Variants in ABHD17B observed in about 807,000 individuals in gnomAD.
ABHD17B encodes alpha/beta hydrolase domain-containing protein 17B.
Under a neutral mutation model 26.2 loss-of-function variants are expected in ABHD17B, and 9 were observed. The observed-to-expected ratio is 0.34, with a 90% confidence interval of 0.21 to 0.60. ABHD17B has a LOEUF of 0.60. Ranked by LOEUF, ABHD17B falls within the 20% of genes least tolerant of loss-of-function variation. ABHD17B has a pLI of 0.80. For missense variants in ABHD17B, 224 were observed against 352.1 expected (o/e 0.64, Z 2.91); for synonymous variants, 127 against 122.3 (o/e 1.04, Z -0.25).
At position 71,911,120 on chromosome 9, in the gene ABHD17B, T is replaced by A. The variant is rs1248357522; in HGVS notation, c.-490A>T. Among the ~76,000 whole-genome samples the A allele has an allele frequency of 6.6e-6, 1 of 152,018 alleles. No homozygotes were observed. Among genetic ancestry groups the A allele is most frequent in the Non-Finnish European group, 1.5e-5 (1 of 67,978 alleles). On this transcript the variant is annotated 5_prime_UTR_variant, in exon 1 of 4. Coordinates refer to ENST00000333421, the MANE Select transcript of ABHD17B (RefSeq NM_001025780.3). ...CTGCCAAGCGCGAGGCTCGTTCCGG[T>A]AGCGGGAGGAAGACTGGAGGGGAAC...
intron 1 of ABHD17B, among the ~76,000 whole-genome samples, chr9:71,878,303 A>AT (rs1292580646): frequency 6.6e-6 from 1 of 152,182 alleles, no homozygotes; most frequent in Non-Finnish European, 1.5e-5. Context: ...CAAATATGGA[A>AT]TTTTTTTGTG....
rs1564077971 is a variant in ABHD17B at position 71,910,809 on chromosome 9, G to A, written c.-179C>T. ...CCAGGGCTACAGCCCCCGGCGCCGG[G>A]GCGAAGAAGGACGGCGGCGCCCCAG... On this transcript the variant is annotated 5_prime_UTR_variant, in exon 1 of 4. Transcript: ENST00000333421. 1 of 151,822 alleles carries A rather than the reference G, an allele frequency of 6.6e-6. No individual in the cohort carries two copies. Among genetic ancestry groups the A allele is most frequent in the Non-Finnish European group, 1.5e-5 (1 of 67,904 alleles). 9.4% of individuals were successfully genotyped at this position (151,822 alleles called of 1,614,324 possible).
rs1825959402 is a variant in ABHD17B at position 71,866,505 on chromosome 9, T to C, written c.*282A>G. On this transcript the variant is annotated 3_prime_UTR_variant, in exon 4 of 4. Transcript: ENST00000333421. Reference sequence around the variant, plus strand: ...GCATTTGGCAATACTTTTACAGCATTTGATTTTATAGAATTAAAATCTCAT... The same window carrying C: ...GCATTTGGCAATACTTTTACAGCATCTGATTTTATAGAATTAAAATCTCAT... 1.8e-6 allele frequency: 2 copies of C among 1,122,144 alleles called. No homozygotes were observed. The highest frequency in any genetic ancestry group is 2.2e-6 in the Non-Finnish European group (2 of 915,900). 69.5% of individuals were successfully genotyped at this position (1,122,144 alleles called of 1,614,324 possible).
At chr9:71,875,180 GT>G (rs1332885265) in intron 1 of ABHD17B, 97 bp from the exon 2 acceptor site, 1 of 911,352 alleles carries the variant, frequency 1.1e-6, no homozygotes, top group Non-Finnish European at 1.6e-6. Flanking sequence ...TTTATTGGTG[GT>G]TAATGACTAT....
At chr9:71,880,480 A>T (rs545276969) in intron 1 of ABHD17B, among the ~76,000 whole-genome samples, 16 of 152,306 alleles carry the variant, frequency 1.1e-4, no homozygotes, top group Non-Finnish European at 2.1e-4. Context: ...TAAAGAAAAA[A>T]AACACATGGT....
At position 71,865,300 on chromosome 9, in the gene ABHD17B, A is replaced by C. The variant is rs1825922760; in HGVS notation, c.*1487T>G. ...AACAATTAAAACTACATAAGGCCTT[A>C]AAATATATCCACAGTGTGTATTATT... On this transcript the variant is annotated 3_prime_UTR_variant, in exon 4 of 4. Transcript: ENST00000333421. The C allele has an allele frequency of 1.0e-6, 1 of 985,596 alleles. No individual in the cohort carries two copies. The allele number at this position is 985,596 out of a possible 1,614,324, so 61.1% of individuals were successfully genotyped here.
Position 71,865,976 on chromosome 9 carries a change from T to C in ABHD17B, c.*811A>G. ...CATACAATGAAGACTACTGCAATTC[T>C]ATGAAGACTATGAGATCAGTCAAAA... On this transcript the variant is annotated 3_prime_UTR_variant, in exon 4 of 4. Coordinates refer to ENST00000333421, the MANE Select transcript of ABHD17B (RefSeq NM_001025780.3). The C allele has an allele frequency of 1.0e-6, 1 of 985,284 alleles. No individual in the cohort carries two copies. The highest frequency in any genetic ancestry group is 4.7e-5 in the South Asian group (1 of 21,278). 61.0% of individuals were successfully genotyped at this position (985,284 alleles called of 1,614,324 possible).
intron 1 of ABHD17B, among the ~76,000 whole-genome samples, chr9:71,904,886 C>T (rs1187488901): frequency 2.0e-5 from 3 of 152,066 alleles, no homozygotes; most frequent in African/African-American, 7.2e-5. Context: ...CAATAAAGGG[C>T]AGTCATTTTT....
At chr9:71,892,364 C>T (rs1826811107) in intron 1 of ABHD17B, among the ~76,000 whole-genome samples, 1 of 151,788 alleles carries the variant, frequency 6.6e-6, no homozygotes, top group African/African-American at 2.4e-5. Context: ...AACCTCATCT[C>T]TACTAAAAAT....
At chr9:71,871,990 T>G (rs542130674) in intron 2 of ABHD17B, among the ~76,000 whole-genome samples, 6 of 152,220 alleles carry the variant, frequency 3.9e-5, no homozygotes, top group Non-Finnish European at 5.9e-5. Context: ...AAAATGAACA[T>G]TATTTAAGTT....
chr9:71,876,171 A>C (rs1826270262), intron 1 of ABHD17B, among the ~76,000 whole-genome samples: 1 of 152,230 alleles, frequency 6.6e-6, no homozygotes, highest in Non-Finnish European at 1.5e-5. Context: ...AAATCTACTA[A>C]AGGTAAACTT....
At chr9:71,898,598 C>T (rs1348822426) in intron 1 of ABHD17B, among the ~76,000 whole-genome samples, 2 of 152,138 alleles carry the variant, frequency 1.3e-5, no homozygotes, top group Non-Finnish European at 2.9e-5. Flanking sequence ...AAGATCGTGC[C>T]TTTGCACTCC....
Position 71,887,709 on chromosome 9 carries a change from C to G in ABHD17B, c.-3-12626G>C, listed in dbSNP as rs545390748. The stretch of plus-strand genomic sequence containing the variant: ...AACAGTTCCATGCTTTAAATTCATA[C>G]TAGCTTCAAATGCTAAAGAGCACCT... On this transcript the variant is annotated intron_variant, in intron 1 of 3. Coordinates refer to ENST00000333421, the MANE Select transcript of ABHD17B (RefSeq NM_001025780.3). Among the ~76,000 whole-genome samples, 5 of 152,302 alleles carry G rather than the reference C, an allele frequency of 3.3e-5. No individual in the cohort carries two copies. In the East Asian group the frequency reaches 9.6e-4, roughly 29 times the overall value.
At chr9:71,882,397 G>A (rs1476332334) in intron 1 of ABHD17B, among the ~76,000 whole-genome samples, 1 of 152,210 alleles carries the variant, frequency 6.6e-6, no homozygotes, top group East Asian at 1.9e-4. Context: ...AGAGGCTCAC[G>A]CCTGTAATCC....
chr9:71,892,450 A>G (rs1051652193), intron 1 of ABHD17B, among the ~76,000 whole-genome samples: 7 of 151,854 alleles, frequency 4.6e-5, no homozygotes, highest in Non-Finnish European at 7.4e-5. Context: ...GGAGAATGGC[A>G]TGAACCCGGG....
chr9:71,873,577 T>C (rs909698713), intron 2 of ABHD17B, among the ~76,000 whole-genome samples: 6 of 152,178 alleles, frequency 3.9e-5, no homozygotes, highest in African/African-American at 1.4e-4. Context: ...TTCGTATTTT[T>C]AGTAGAGACG....
At position 71,899,123 on chromosome 9, in the gene ABHD17B, G is replaced by GA. The variant is rs78909056; in HGVS notation, c.-4+11510dup. ...TGGGCGACAGAGCAAGACTCTCAGGGAAAAAAAAAAAAAAGAGAGCTGAGT... is the reference window on the plus strand; with the variant it reads ...TGGGCGACAGAGCAAGACTCTCAGGGAAAAAAAAAAAAAAAGAGAGCTGAGT... On this transcript the variant is annotated intron_variant, in intron 1 of 3. Coordinates refer to ENST00000333421, the MANE Select transcript of ABHD17B (RefSeq NM_001025780.3). Among the ~76,000 whole-genome samples, 380 of 137,094 alleles carry GA rather than the reference G, an allele frequency of 2.8e-3. 2 individuals are homozygous for GA. Among genetic ancestry groups the GA allele is most frequent in the African/African-American group, 4.9e-3 (185 of 37,480 alleles). The allele number at this position is 137,094 out of a possible 152,430, so 89.9% of individuals were successfully genotyped here.
chr9:71,869,052 G>A (rs1826038247), intron 3 of ABHD17B, among the ~76,000 whole-genome samples: 1 of 152,144 alleles, frequency 6.6e-6, no homozygotes, highest in South Asian at 2.1e-4. Flanking sequence ...GAGCTAGATG[G>A]AGACATAAGT....
chr9:71,897,521 A>G (rs567949315), intron 1 of ABHD17B, among the ~76,000 whole-genome samples: 1 of 152,328 alleles, frequency 6.6e-6, no homozygotes, highest in African/African-American at 2.4e-5. Context: ...GTCTCAAAAA[A>G]TATAAAAAAT....
Sources: allele counts gnomAD v4.1 joint callset (sites outside exome capture counted in the v4.1 genomes callset), GRCh38; gene constraint gnomAD v4.1.1; transcripts MANE v1.5; gene names NCBI Gene and HGNC (gene_info 2026-07-23, HGNC 2026-07-21).